TSHZ1: variants seen among roughly 807,000 people sequenced by gnomAD.
The protein encoded by TSHZ1 is teashirt homolog 1.
TSHZ1 carries 12 observed loss-of-function variants against 67.1 expected under a neutral mutation model. That is an observed-to-expected ratio of 0.18 (90% CI 0.11 to 0.29). The LOEUF is 0.29. Ranked by LOEUF, TSHZ1 falls within the 10% of genes least tolerant of loss-of-function variation. The pLI is 1.00. For missense variants in TSHZ1, 1,305 were observed against 1,413.9 expected (o/e 0.92, Z 1.23); for synonymous variants, 632 against 622.4 (o/e 1.02, Z -0.23).
At position 75,239,509 on chromosome 18, in the gene TSHZ1, G is replaced by GT. The variant is rs1460578900; in HGVS notation, c.40+27600dup. Among the ~76,000 whole-genome samples the GT allele has an allele frequency of 1.1e-4, 17 of 152,204 alleles. No homozygotes were observed. The East Asian group carries it at 3.1e-3, about 28-fold the overall frequency. Reference sequence around the variant, plus strand: ...AGTGAGATTAAAGTCCCAGTCCTTTGTTTTTTTAAGAGACTGGATCTGGCT... The same window carrying GT: ...AGTGAGATTAAAGTCCCAGTCCTTTGTTTTTTTTAAGAGACTGGATCTGGCT... On this transcript the variant is annotated intron_variant, in intron 1 of 1. Coordinates refer to ENST00000580243, the MANE Select transcript of TSHZ1 (RefSeq NM_001308210.2).
At chr18:75,278,638 G>A (rs1342004765) in intron 1 of TSHZ1, among the ~76,000 whole-genome samples, 1 of 152,034 alleles carries the variant, frequency 6.6e-6, no homozygotes, top group African/African-American at 2.4e-5. Context: ...GGGGTGGAGG[G>A]AGGCAGAGGC....
rs750935368 is a variant in TSHZ1 at position 75,285,970 on chromosome 18, C to G, written c.563C>G (p.Thr188Ser). Residue 188 changes from threonine (T) to serine (S), a missense_variant, in exon 2 of 2, where the codon ACC becomes AGC. Around this residue, in one of 3 missense-constraint regions of TSHZ1, gnomAD observed 358 missense variants for 375.6 expected, o/e 0.95. Coordinates refer to ENST00000580243, the MANE Select transcript of TSHZ1 (RefSeq NM_001308210.2). ...SCSSSTSHSS[T>S]TSTSSSSGYD... Reference sequence around the variant, plus strand: ...AGCTCCAGCACCAGCCACAGCAGTACCACCAGTACCAGCAGCAGCTCCGGG... The same window carrying G: ...AGCTCCAGCACCAGCCACAGCAGTAGCACCAGTACCAGCAGCAGCTCCGGG... The G allele has an allele frequency of 8.2e-5, 130 of 1,587,502 alleles. No individual in the cohort carries two copies. Among genetic ancestry groups the G allele is most frequent in the Non-Finnish European group, 1.1e-4 (127 of 1,168,394 alleles).
chr18:75,287,178 C>T lies in TSHZ1; in HGVS notation c.1771C>T (p.Pro591Ser). Residue 591 changes from proline to serine, a missense_variant, in exon 2 of 2, where the codon CCA (proline) becomes TCA (serine). Pro to Ser is a moderately conservative substitution (Grantham distance 74). Transcript: ENST00000580243. The surrounding 1 kb of genome is among the most constrained non-coding windows in gnomAD (Gnocchi z 5.0). The stretch of plus-strand genomic sequence containing the variant: ...CTACCAGCTCCCGGGCACCGTGAAG[C>T]CACTGCCGGCGGCCGTGCAGAGCGT... The part of the protein sequence containing the change: ...AAYQLPGTVK[P>S]LPAAVQSVQV... 6.2e-7 allele frequency: 1 copy of T among 1,613,678 alleles called. No homozygotes were observed. Among genetic ancestry groups the T allele is most frequent in the African/African-American group, 1.3e-5 (1 of 75,066 alleles).
chr18:75,224,985 C>T (rs2022904429), intron 1 of TSHZ1, among the ~76,000 whole-genome samples: 1 of 147,660 alleles, frequency 6.8e-6, no homozygotes, highest in Non-Finnish European at 1.5e-5. Flanking sequence ...AACAGCTGTC[C>T]TTTTTTTTTT....
Position 75,277,042 on chromosome 18 carries a change from T to C in TSHZ1, c.41-8406T>C, listed in dbSNP as rs147632403. Among the ~76,000 whole-genome samples the C allele has an allele frequency of 7.1e-3, 1,089 of 152,322 alleles. 17 individuals carry two copies. The highest frequency in any genetic ancestry group is 0.025 in the African/African-American group (1,051 of 41,570). ...TCTGCCTGGTGTGGGTTTCCCCACC[T>C]CTCTCTTCCTTCCTCTGTTCTTTGG... On this transcript the variant is annotated intron_variant, in intron 1 of 1. Transcript: ENST00000580243.
chr18:75,220,064 G>GT (rs1430783866), intron 1 of TSHZ1, among the ~76,000 whole-genome samples: 1 of 152,202 alleles, frequency 6.6e-6, no homozygotes. Flanking sequence ...ATAAAGAGGA[G>GT]TTTTGTTACA....
intron 1 of TSHZ1, among the ~76,000 whole-genome samples, chr18:75,240,150 G>T (rs987149036): frequency 6.6e-6 from 1 of 152,198 alleles, no homozygotes; most frequent in Admixed American, 6.5e-5. Flanking sequence ...AACGTTTTAA[G>T]AAGTCAATTA....
At position 75,287,234 on chromosome 18, in the gene TSHZ1, G is replaced by T; in HGVS notation, c.1827G>T (p.Val609=). 6.2e-7 allele frequency: 1 copy of T among 1,613,944 alleles called. No homozygotes were observed. Among genetic ancestry groups the T allele is most frequent in the Non-Finnish European group, 8.5e-7 (1 of 1,180,000 alleles). ...VQVQPSYAGG[V]KSLSSAEHNA... is the part of the protein sequence containing the mutation. ...TGCAGCCGTCCTATGCTGGCGGCGT[G>T]AAGTCGCTGTCTTCCGCCGAGCACA... is the stretch of plus-strand genomic sequence containing the variant. Residue 609 remains valine (V), a synonymous_variant, in exon 2 of 2, where the codon GTG becomes GTT. Transcript: ENST00000580243. This position sits in a 1 kb window ranked among gnomAD's most constrained non-coding sequence, Gnocchi z 5.0.
chr18:75,236,302 C>T (rs931693656), intron 1 of TSHZ1, among the ~76,000 whole-genome samples: 1 of 152,152 alleles, frequency 6.6e-6, no homozygotes, highest in African/African-American at 2.4e-5. Flanking sequence ...AGACCCAATT[C>T]TAACAGGTTC....
At chr18:75,264,594 G>T (rs1294751272) in intron 1 of TSHZ1, among the ~76,000 whole-genome samples, 2 of 151,966 alleles carry the variant, frequency 1.3e-5, no homozygotes, top group Non-Finnish European at 2.9e-5. Context: ...TTCTGAGCCC[G>T]AGGTGATTGT....
chr18:75,217,134 A>T (rs1023124469), intron 1 of TSHZ1, among the ~76,000 whole-genome samples: 1 of 152,142 alleles, frequency 6.6e-6, no homozygotes, highest in African/African-American at 2.4e-5. Context: ...CCTAGACCTT[A>T]CTCCCTGTGT....
intron 1 of TSHZ1, among the ~76,000 whole-genome samples, chr18:75,226,374 T>C (rs540547231): frequency 6.6e-6 from 1 of 152,198 alleles, no homozygotes; most frequent in Non-Finnish European, 1.5e-5. Flanking sequence ...GATTGCTCTC[T>C]GAAGACGCCT....
At chr18:75,259,720 C>T (rs969167665) in intron 1 of TSHZ1, among the ~76,000 whole-genome samples, 1 of 151,964 alleles carries the variant, frequency 6.6e-6, no homozygotes, top group Non-Finnish European at 1.5e-5. Context: ...TGGGTATGTA[C>T]GTATAGAAGA....
At chr18:75,239,883 G>A (rs913293306) in intron 1 of TSHZ1, among the ~76,000 whole-genome samples, 6 of 152,162 alleles carry the variant, frequency 3.9e-5, no homozygotes, top group African/African-American at 1.4e-4. Flanking sequence ...AATACGAGGA[G>A]GTACGCGATG....
At chr18:75,245,282 T>C (rs1290830195) in intron 1 of TSHZ1, 3 of 152,154 alleles carry the variant, frequency 2.0e-5, no homozygotes, top group Admixed American at 1.3e-4. Flanking sequence ...TTTTTAGAAG[T>C]TGGATGCGGG....
intron 1 of TSHZ1, among the ~76,000 whole-genome samples, chr18:75,230,412 A>T (rs967655974): frequency 5.9e-5 from 9 of 152,248 alleles, no homozygotes; most frequent in African/African-American, 2.2e-4. Flanking sequence ...AAACAAAAAC[A>T]GAAGTGACTC....
At chr18:75,235,659 G>T (rs2023057936) in intron 1 of TSHZ1, among the ~76,000 whole-genome samples, 1 of 152,126 alleles carries the variant, frequency 6.6e-6, no homozygotes. Context: ...GACTGAAGTG[G>T]TTATCAATAT....
chr18:75,228,528 A>C (rs1478559925), intron 1 of TSHZ1, among the ~76,000 whole-genome samples: 2 of 152,238 alleles, frequency 1.3e-5, no homozygotes, highest in Non-Finnish European at 2.9e-5. Context: ...AGACAAATGA[A>C]GCCCAGGCTC....
At chr18:75,220,032 C>T (rs1231355478) in intron 1 of TSHZ1, among the ~76,000 whole-genome samples, 1 of 152,212 alleles carries the variant, frequency 6.6e-6, no homozygotes, top group Non-Finnish European at 1.5e-5. Context: ...AGAGGCCTCA[C>T]ACATTTTCCC....
Sources: gnomAD v4.1 joint callset for allele counts (sites outside exome capture counted in the v4.1 genomes callset) on GRCh38, gnomAD v4.1.1 for gene constraint, gnomAD v4.1.1 regional missense constraint, Gnocchi (gnomAD v3.1) non-coding constraint, MANE v1.5 for transcripts, NCBI Gene and HGNC (gene_info 2026-07-23, HGNC 2026-07-21) for gene names.